Variants in GNAQ observed in about 807,000 individuals in gnomAD.
GNAQ encodes guanine nucleotide-binding protein G(q) subunit alpha.
Under a neutral mutation model 43.9 loss-of-function variants are expected in GNAQ, and 8 were observed. The ratio of observed to expected loss-of-function variants is 0.18; its 90% CI spans 0.11 to 0.33. The LOEUF (loss-of-function observed/expected upper bound fraction) is 0.33. Ranked by LOEUF, GNAQ falls within the 10% of genes least tolerant of loss-of-function variation. GNAQ has a pLI of 1.00. For missense variants in GNAQ, 158 were observed against 450.8 expected (o/e 0.35, Z 5.88); for synonymous variants, 155 against 170.7 (o/e 0.91, Z 0.71).
Position 77,719,055 on chromosome 9 carries a change from T to C in GNAQ, c.*2268A>G, listed in dbSNP as rs1040297878. The stretch of plus-strand genomic sequence containing the variant: ...GGTCTTATAATCAGTATACCTCTAC[T>C]CAGGAATGTGCAAATGATTTTATAC... On this transcript the variant is annotated 3_prime_UTR_variant, in exon 7 of 7. Transcript: ENST00000286548. The C allele has an allele frequency of 1.7e-5, 4 of 231,978 alleles. No individual in the cohort carries two copies. Among genetic ancestry groups the C allele is most frequent in the Non-Finnish European group, 3.4e-5 (4 of 117,418 alleles). 14.4% of individuals were successfully genotyped at this position (231,978 alleles called of 1,614,324 possible). A position where few individuals can be genotyped will look rare whatever the true frequency, so the allele number is the denominator to read the frequency against.
chr9:77,915,718 C>T (rs1409724325), intron 2 of GNAQ, among the ~76,000 whole-genome samples: 3 of 152,174 alleles, frequency 2.0e-5, no homozygotes, highest in Non-Finnish European at 4.4e-5. Flanking sequence ...ATTCAGCTAG[C>T]TACTTCGTAT....
At chr9:77,847,978 A>G (rs2117911463) in intron 2 of GNAQ, among the ~76,000 whole-genome samples, 1 of 152,304 alleles carries the variant, frequency 6.6e-6, no homozygotes, top group East Asian at 1.9e-4. Flanking sequence ...TCTCCCTTCA[A>G]GGCAATGTCA....
intron 1 of GNAQ, among the ~76,000 whole-genome samples, chr9:77,974,299 G>A (rs1823273125): frequency 6.6e-6 from 1 of 152,072 alleles, no homozygotes; most frequent in Non-Finnish European, 1.5e-5. Context: ...GAGCTAATGA[G>A]GTCCAGGGCA....
At chr9:78,014,140 T>A (rs1259386161) in intron 1 of GNAQ, among the ~76,000 whole-genome samples, 1 of 151,936 alleles carries the variant, frequency 6.6e-6, no homozygotes, top group Non-Finnish European at 1.5e-5. Flanking sequence ...CCAATACAAA[T>A]TCCAAAGGAG....
intron 2 of GNAQ, among the ~76,000 whole-genome samples, chr9:77,837,347 T>C (rs1399416399): frequency 6.6e-6 from 1 of 151,486 alleles, no homozygotes; most frequent in Non-Finnish European, 1.5e-5. Flanking sequence ...AGGTCAGGAG[T>C]TCAAGACCAG....
intron 1 of GNAQ, among the ~76,000 whole-genome samples, chr9:77,987,866 T>C (rs1823461495): frequency 6.6e-6 from 1 of 151,852 alleles, no homozygotes; most frequent in African/African-American, 2.4e-5. Flanking sequence ...CCCCCATCTC[T>C]AAAAAAGAAA....
At chr9:77,989,248 T>C (rs958204181) in intron 1 of GNAQ, among the ~76,000 whole-genome samples, 1 of 152,164 alleles carries the variant, frequency 6.6e-6, no homozygotes, top group Non-Finnish European at 1.5e-5. Context: ...AGCAAGTACC[T>C]CTGGCTGCCT....
chr9:77,794,699 C>T (rs561310508), intron 4 of GNAQ, 107 bp from the exon 5 acceptor site: 16 of 569,926 alleles, frequency 2.8e-5, no homozygotes, highest in South Asian at 5.7e-5. Flanking sequence ...TCTTGAATGA[C>T]GATGATCATC....
At chr9:77,814,432 T>C (rs1276350396) in intron 3 of GNAQ, among the ~76,000 whole-genome samples, 1 of 152,086 alleles carries the variant, frequency 6.6e-6, no homozygotes, top group Admixed American at 6.5e-5. Flanking sequence ...TTAATGCTAG[T>C]TAAAATATTA....
intron 1 of GNAQ, among the ~76,000 whole-genome samples, chr9:77,975,019 G>A (rs907209153): frequency 2.0e-5 from 3 of 152,264 alleles, no homozygotes; most frequent in South Asian, 2.1e-4. Flanking sequence ...TCAATGGATC[G>A]ACTCAGCCTT....
At chr9:77,881,493 C>T (rs566956561) in intron 2 of GNAQ, among the ~76,000 whole-genome samples, 2 of 152,350 alleles carry the variant, frequency 1.3e-5, no homozygotes, top group East Asian at 3.9e-4. Context: ...ATCCTCCCAC[C>T]TCAGCCCCCC....
At chr9:77,971,172 G>A (rs181436395) in intron 1 of GNAQ, among the ~76,000 whole-genome samples, 3 of 152,258 alleles carry the variant, frequency 2.0e-5, no homozygotes, top group East Asian at 3.9e-4. Context: ...AGGACCAGAC[G>A]GATTCACAGC....
intron 1 of GNAQ, among the ~76,000 whole-genome samples, chr9:77,934,865 G>A (rs1260962548): frequency 3.3e-5 from 5 of 152,160 alleles, no homozygotes; most frequent in Middle Eastern, 3.2e-3. Flanking sequence ...GGTGGCTCAC[G>A]CCTGTAATCC....
At chr9:77,729,155 A>G (rs1037504941) in intron 5 of GNAQ, among the ~76,000 whole-genome samples, 9 of 152,198 alleles carry the variant, frequency 5.9e-5, no homozygotes, top group Admixed American at 4.6e-4. Flanking sequence ...ATATTTCTAG[A>G]TGTTTTCTAG....
At chr9:77,731,905 A>T (rs1825496578) in intron 5 of GNAQ, among the ~76,000 whole-genome samples, 1 of 152,022 alleles carries the variant, frequency 6.6e-6, no homozygotes, top group African/African-American at 2.4e-5. Context: ...CCCAATTAAG[A>T]TTCTTTATGC....
chr9:77,976,364 T>G (rs1823301768), intron 1 of GNAQ, among the ~76,000 whole-genome samples: 1 of 152,104 alleles, frequency 6.6e-6, no homozygotes, highest in Non-Finnish European at 1.5e-5. Flanking sequence ...GCTTGGTTTT[T>G]GTTTTTTGGT....
At chr9:77,895,904 CCTTGCCTTCCGCCACGATTGTGAGGCCT>C (rs1828493893) in intron 2 of GNAQ, among the ~76,000 whole-genome samples, 1 of 152,162 alleles carries the variant, frequency 6.6e-6, no homozygotes, top group Non-Finnish European at 1.5e-5. Flanking sequence ...ATTTGCTTCT[CCTTGCCTTCCGCCACGATTGTGAGGCCT>C]CCCCAGTCAC....
At chr9:77,996,265 T>G (rs527419647) in intron 1 of GNAQ, among the ~76,000 whole-genome samples, 5 of 152,328 alleles carry the variant, frequency 3.3e-5, no homozygotes, top group African/African-American at 1.2e-4. Context: ...TTTAATTTCA[T>G]CTTTTGATAA....
chr9:78,016,658 G>A (rs573447822), intron 1 of GNAQ, among the ~76,000 whole-genome samples: 1 of 151,692 alleles, frequency 6.6e-6, no homozygotes, highest in African/African-American at 2.4e-5. Context: ...CTCCGGCCTG[G>A]GCGACAGAGC....
Sources: allele counts gnomAD v4.1 joint callset (sites outside exome capture counted in the v4.1 genomes callset), GRCh38; gene constraint gnomAD v4.1.1; transcripts MANE v1.5; gene names NCBI Gene and HGNC (gene_info 2026-07-23, HGNC 2026-07-21).